The following LRRC1 variants were observed in gnomAD, a reference collection of about 807,000 sequenced individuals.
The protein encoded by LRRC1 is leucine rich repeat containing 1, also known as leucine-rich repeat-containing protein 1.
Under a neutral mutation model 69.9 loss-of-function variants are expected in LRRC1, and 28 were observed. The ratio of observed to expected loss-of-function variants is 0.40; its 90% confidence interval spans 0.30 to 0.55. The LOEUF (loss-of-function observed/expected upper bound fraction) is 0.55. LRRC1 is among the 20% of genes least tolerant of loss of function. The pLI is 0.47. For synonymous variants in LRRC1, 236 were observed against 240.2 expected, an observed-to-expected ratio of 0.98 and a Z score of 0.16; for missense variants, 498 against 609.0, an observed-to-expected ratio of 0.82 and a Z score of 1.92.
chr6:53,872,036 A>G (rs568288320), intron 2 of LRRC1, among the ~76,000 whole-genome samples: 6 of 152,240 alleles, frequency 3.9e-5, no homozygotes, highest in Admixed American at 6.5e-5. Context: ...GACCAATGCC[A>G]TGAAGCATTT....
chr6:53,873,363 C>T (rs1766960626), intron 2 of LRRC1, among the ~76,000 whole-genome samples: 1 of 150,264 alleles, frequency 6.7e-6, no homozygotes, highest in African/African-American at 2.5e-5. Context: ...GCGATCTGGG[C>T]TCGCTACAAG....
At chr6:53,795,609 T>C (rs1415926298) in intron 1 of LRRC1, among the ~76,000 whole-genome samples, 194 bp downstream of exon 1, 1 of 152,240 alleles carries the variant, frequency 6.6e-6, no homozygotes, top group Non-Finnish European at 1.5e-5. Flanking sequence ...TTTCATTTTA[T>C]TCAAAGTGAC....
chr6:53,878,584 G>A (rs2127429924), intron 2 of LRRC1, among the ~76,000 whole-genome samples: 1 of 152,268 alleles, frequency 6.6e-6, no homozygotes, highest in South Asian at 2.1e-4. Context: ...GACAGTAGGT[G>A]GAGCTCAGGC....
At chr6:53,916,846 T>G (rs1014143752) in intron 11 of LRRC1, among the ~76,000 whole-genome samples, 4 of 152,198 alleles carry the variant, frequency 2.6e-5, no homozygotes, top group African/African-American at 9.6e-5. Flanking sequence ...TTCACAGACA[T>G]GGAAGGTCAC....
intron 2 of LRRC1, among the ~76,000 whole-genome samples, chr6:53,878,231 G>A (rs1378295691): frequency 1.3e-5 from 2 of 152,198 alleles, no homozygotes; most frequent in Non-Finnish European, 2.9e-5. Flanking sequence ...TTCAAGATGA[G>A]ATTTGGGTGG....
At chr6:53,920,917 G>A (rs1441229098) in intron 13 of LRRC1, 156 bp downstream of exon 13, 1 of 759,252 alleles carries the variant, frequency 1.3e-6, no homozygotes, top group South Asian at 1.9e-5. Flanking sequence ...GGTAATTCTA[G>A]GTACTCACTC....
chr6:53,893,151 A>G (rs1232533631), intron 4 of LRRC1, among the ~76,000 whole-genome samples: 1 of 152,224 alleles, frequency 6.6e-6, no homozygotes, highest in Non-Finnish European at 1.5e-5. Flanking sequence ...AGCTGCACTT[A>G]GGGACAAAGG....
At chr6:53,842,770 G>A (rs1187536315) in intron 2 of LRRC1, among the ~76,000 whole-genome samples, 1 of 152,146 alleles carries the variant, frequency 6.6e-6, no homozygotes, top group Non-Finnish European at 1.5e-5. Context: ...AGACCTGCTT[G>A]CGTTCAGGCA....
intron 1 of LRRC1, among the ~76,000 whole-genome samples, chr6:53,824,678 G>A (rs186020654): frequency 6.6e-6 from 1 of 152,322 alleles, no homozygotes; most frequent in East Asian, 1.9e-4. Flanking sequence ...TGCAAATGCT[G>A]TACTTGGTGC....
intron 8 of LRRC1, 145 bp downstream of exon 8, chr6:53,900,036 T>A: frequency 1.5e-6 from 1 of 654,506 alleles, no homozygotes; most frequent in East Asian, 3.5e-5. Context: ...TTTTTTTTTT[T>A]TTTTTTTTTT....
chr6:53,913,503 G>A (rs1039402662), intron 10 of LRRC1, among the ~76,000 whole-genome samples: 5 of 152,184 alleles, frequency 3.3e-5, no homozygotes, highest in Non-Finnish European at 5.9e-5. Context: ...TTACCACATA[G>A]TATTTTTCTG....
At chr6:53,878,405 G>A (rs1767145703) in intron 2 of LRRC1, among the ~76,000 whole-genome samples, 1 of 152,184 alleles carries the variant, frequency 6.6e-6, no homozygotes, top group Admixed American at 6.5e-5. Context: ...TAGATTCAAT[G>A]GGAGCCCTGA....
chr6:53,859,869 ACTGT>A (rs1451085198), intron 2 of LRRC1, among the ~76,000 whole-genome samples: 2 of 152,362 alleles, frequency 1.3e-5, no homozygotes, highest in Admixed American at 6.5e-5. Flanking sequence ...GCGAGGGAAC[ACTGT>A]CTGTCTGTGG....
intron 2 of LRRC1, among the ~76,000 whole-genome samples, chr6:53,851,643 C>A (rs924385576): frequency 1.7e-4 from 26 of 152,166 alleles, no homozygotes; most frequent in African/African-American, 6.0e-4. Context: ...ATTTGGCATC[C>A]TGTGGTGCAG....
intron 2 of LRRC1, among the ~76,000 whole-genome samples, chr6:53,871,828 C>T (rs1010444783): frequency 6.6e-6 from 1 of 152,092 alleles, no homozygotes; most frequent in African/African-American, 2.4e-5. Context: ...CCACCATGCC[C>T]AGCTAATTTT....
intron 2 of LRRC1, among the ~76,000 whole-genome samples, chr6:53,874,526 T>A (rs1767003558): frequency 6.6e-6 from 1 of 152,186 alleles, no homozygotes; most frequent in African/African-American, 2.4e-5. Flanking sequence ...CAGAAAATAG[T>A]GTGAGGAAAA....
At chr6:53,864,633 C>T (rs569538968) in intron 2 of LRRC1, among the ~76,000 whole-genome samples, 2 of 152,142 alleles carry the variant, frequency 1.3e-5, no homozygotes, top group South Asian at 2.1e-4. Flanking sequence ...TATCTCAATA[C>T]TTGTGGCAAA....
chr6:53,918,290 T>C (rs1266900759), intron 11 of LRRC1, among the ~76,000 whole-genome samples: 2 of 152,206 alleles, frequency 1.3e-5, no homozygotes, highest in Non-Finnish European at 2.9e-5. Context: ...CTGCACCCAA[T>C]ACATATGCAT....
chr6:53,867,166 G>A (rs1766728220), intron 2 of LRRC1, among the ~76,000 whole-genome samples: 1 of 152,096 alleles, frequency 6.6e-6, no homozygotes, highest in Admixed American at 6.5e-5. Flanking sequence ...GGAGAATGGA[G>A]ATGATAGTAA....
Sources: allele counts gnomAD v4.1 joint callset (sites outside exome capture counted in the v4.1 genomes callset), GRCh38; gene constraint gnomAD v4.1.1; transcripts MANE v1.5; gene names NCBI Gene and HGNC (gene_info 2026-07-23, HGNC 2026-07-21).